RHOBTB1: variants seen among roughly 807,000 people sequenced by gnomAD.
The protein encoded by RHOBTB1 is rho-related BTB domain-containing protein 1.
RHOBTB1 carries 40 observed loss-of-function variants against 71.6 expected under a neutral mutation model. The observed-to-expected ratio is 0.56, with a 90% CI of 0.43 to 0.73. The LOEUF (loss-of-function observed/expected upper bound fraction) is 0.73, where lower values mean the gene tolerates loss of function less well. RHOBTB1 is among the 30% of genes least tolerant of loss of function. The probability of loss-of-function intolerance (pLI) is 0.00; values close to 1 mark genes in which losing one functional copy is unlikely to be tolerated. For missense variants in RHOBTB1, 797 were observed against 894.0 expected, an observed-to-expected ratio of 0.89 and a Z score of 1.38; for synonymous variants, 319 against 334.9, an observed-to-expected ratio of 0.95 and a Z score of 0.52.
intron 1 of RHOBTB1, among the ~76,000 whole-genome samples, chr10:60,943,067 C>G (rs1232129525): frequency 6.6e-6 from 1 of 152,126 alleles, no homozygotes; most frequent in Non-Finnish European, 1.5e-5. Flanking sequence ...GATCTGGGTG[C>G]CTCTGTGTAT....
intron 2 of RHOBTB1, among the ~76,000 whole-genome samples, chr10:60,930,826 G>A (rs370320153): frequency 8.6e-4 from 130 of 151,970 alleles, no homozygotes; most frequent in African/African-American, 2.8e-3. Flanking sequence ...CCTTCTTACA[G>A]GGCTAGCCAT....
chr10:60,883,716 A>G (rs1429393722), intron 7 of RHOBTB1, among the ~76,000 whole-genome samples: 4 of 152,240 alleles, frequency 2.6e-5, no homozygotes, highest in Non-Finnish European at 4.4e-5. Flanking sequence ...CAACAACATC[A>G]GAATAAGTCC....
chr10:60,945,951 G>A (rs575133296), upstream of RHOBTB1, among the ~76,000 whole-genome samples: 3 of 152,126 alleles, frequency 2.0e-5, no homozygotes, highest in Non-Finnish European at 2.9e-5. Context: ...AGGCCGAGGC[G>A]CGCGGATCAC....
At chr10:60,916,035 C>T (rs972294643) in intron 2 of RHOBTB1, among the ~76,000 whole-genome samples, 3 of 152,320 alleles carry the variant, frequency 2.0e-5, no homozygotes, top group Non-Finnish European at 4.4e-5. Flanking sequence ...CCTACCTTTA[C>T]AGCCTGTGCT....
intron 1 of RHOBTB1, among the ~76,000 whole-genome samples, chr10:60,988,332 C>T (rs2086739709): frequency 6.6e-6 from 1 of 152,078 alleles, no homozygotes; most frequent in Non-Finnish European, 1.5e-5. Flanking sequence ...ATTTTATATT[C>T]AAGGGATACA....
rs540672125 is a variant in RHOBTB1, at chr10:61,000,885, A to G, written c.-163+514T>C. ...TTTCACGGCTAACAAACCAAGAAAAATCAATCCCGCATCACCTTAGGGCCG... is the reference window on the plus strand; with the variant it reads ...TTTCACGGCTAACAAACCAAGAAAAGTCAATCCCGCATCACCTTAGGGCCG... On this transcript the variant is annotated intron_variant, in intron 1 of 11. Transcript: ENST00000357917. Among the ~76,000 whole-genome samples the G allele has an allele frequency of 2.0e-5, 3 of 152,254 alleles. No individual in the cohort carries two copies. In the South Asian group the frequency reaches 6.2e-4, roughly 32 times the overall value.
chr10:60,928,654 G>T (rs1432941266), intron 2 of RHOBTB1, among the ~76,000 whole-genome samples: 2 of 152,140 alleles, frequency 1.3e-5, no homozygotes, highest in Non-Finnish European at 2.9e-5. Context: ...GTAGAAAGGG[G>T]ATGGTTAGTG....
At chr10:60,937,417 T>C (rs2084655000) in intron 2 of RHOBTB1, among the ~76,000 whole-genome samples, 1 of 152,196 alleles carries the variant, frequency 6.6e-6, no homozygotes, top group African/African-American at 2.4e-5. Context: ...AAGTCTCATG[T>C]TTCAAAATTG....
chr10:60,947,926 T>G (rs2085290936), upstream of RHOBTB1, among the ~76,000 whole-genome samples: 1 of 152,218 alleles, frequency 6.6e-6, no homozygotes, highest in African/African-American at 2.4e-5. Flanking sequence ...CCGTTCACAT[T>G]TCCACCAGTA....
In RHOBTB1 at chr10:60,886,324, C is replaced by T. The variant is rs1589187198; in HGVS notation, c.1457-94G>A. 10 of 793,400 alleles carry T rather than the reference C, an allele frequency of 1.3e-5. 1 individual carries two copies. In the East Asian group the frequency reaches 2.5e-4, roughly 20 times the overall value. 49.1% of individuals were successfully genotyped at this position (793,400 alleles called of 1,614,324 possible). A position where few individuals can be genotyped will look rare whatever the true frequency, so the allele number is the denominator to read the frequency against. On this transcript the variant is annotated intron_variant, in intron 6 of 10. Coordinates refer to ENST00000337910, the MANE Select transcript of RHOBTB1 (RefSeq NM_014836.5). Reference sequence around the variant, plus strand: ...CCCATAGCCACCAAACTGCGACTCCCTTACTCTCTCTTGCATGTCTTTACT... The same window carrying T: ...CCCATAGCCACCAAACTGCGACTCCTTTACTCTCTCTTGCATGTCTTTACT...
intron 2 of RHOBTB1, among the ~76,000 whole-genome samples, chr10:60,920,541 G>A (rs1185774733): frequency 2.6e-5 from 4 of 152,014 alleles, no homozygotes; most frequent in Non-Finnish European, 4.4e-5. Flanking sequence ...TCAGGCCATA[G>A]TCAGGAGTTT....
chr10:60,927,498 A>G (rs936704337), intron 2 of RHOBTB1, among the ~76,000 whole-genome samples: 1 of 152,204 alleles, frequency 6.6e-6, no homozygotes, highest in African/African-American at 2.4e-5. Context: ...AAAGCATGGG[A>G]CAGTCATAAA....
At chr10:60,922,642 A>C (rs2083633091) in intron 2 of RHOBTB1, among the ~76,000 whole-genome samples, 4 of 152,202 alleles carry the variant, frequency 2.6e-5, no homozygotes, top group Admixed American at 2.0e-4. Context: ...CTTGGGACCA[A>C]GGTGAAGAGA....
intron 4 of RHOBTB1, among the ~76,000 whole-genome samples, chr10:60,899,782 C>T (rs2082326426): frequency 6.6e-6 from 1 of 152,104 alleles, no homozygotes; most frequent in African/African-American, 2.4e-5. Flanking sequence ...TGTTCACATT[C>T]TAGTGAAGAC....
At chr10:60,892,698 G>A in intron 5 of RHOBTB1, 112 bp downstream of exon 5, 1 of 906,740 alleles carries the variant, frequency 1.1e-6, no homozygotes, top group Non-Finnish European at 1.6e-6. Context: ...ACCCATGGCT[G>A]ATTGATGGGA....
At chr10:60,941,282 C>G (rs1453552306) in intron 2 of RHOBTB1, among the ~76,000 whole-genome samples, 6 of 152,140 alleles carry the variant, frequency 3.9e-5, no homozygotes, top group Non-Finnish European at 8.8e-5. Context: ...TCTAATGTCT[C>G]TAAACTTCCA....
intron 2 of RHOBTB1, among the ~76,000 whole-genome samples, chr10:60,920,427 G>A (rs960716812): frequency 3.9e-5 from 6 of 152,116 alleles, no homozygotes; most frequent in Non-Finnish European, 5.9e-5. Context: ...AGAAGGGCCC[G>A]TTCAAGAGAT....
At chr10:60,880,212 A>T (rs879856950) in intron 7 of RHOBTB1, among the ~76,000 whole-genome samples, 31,276 of 124,500 alleles carry the variant, frequency 0.25, 3,701 homozygotes, top group African/African-American at 0.34. Context: ...TGAGAGAGAG[A>T]GAGAGAGAGA....
intron 2 of RHOBTB1, among the ~76,000 whole-genome samples, chr10:60,933,371 AT>A (rs1376223036): frequency 1.1e-4 from 16 of 152,218 alleles, no homozygotes; most frequent in African/African-American, 2.9e-4. Context: ...CTTTCATCCA[AT>A]TTTAAGGTTT....
Sources: allele counts gnomAD v4.1 joint callset (sites outside exome capture counted in the v4.1 genomes callset), GRCh38; gene constraint gnomAD v4.1.1; transcripts MANE v1.5; gene names NCBI Gene and HGNC (gene_info 2026-07-23, HGNC 2026-07-21).